The following CNTN5 variants were observed in gnomAD, a reference collection of about 807,000 sequenced individuals.
CNTN5 encodes the protein contactin-5.
In CNTN5, 77 loss-of-function variants were observed where a neutral mutation model predicts 129.1. That is an observed-to-expected ratio of 0.60 (90% confidence interval 0.50 to 0.72). The LOEUF (loss-of-function observed/expected upper bound fraction) is 0.72. CNTN5 is among the 30% of genes least tolerant of loss of function. The pLI is 0.00. For missense variants in CNTN5, 1,478 were observed against 1,328.8 expected (o/e 1.11, Z -1.75); for synonymous variants, 509 against 465.6 (o/e 1.09, Z -1.20).
chr11:100,232,263 G>T (rs1949506350), intron 16 of CNTN5, among the ~76,000 whole-genome samples: 1 of 152,164 alleles, frequency 6.6e-6, no homozygotes, highest in Non-Finnish European at 1.5e-5. Context: ...TTGAAAAGGA[G>T]ATGTGAAGTT....
intron 13 of CNTN5, among the ~76,000 whole-genome samples, chr11:100,127,939 G>A (rs757099800): frequency 1.5e-4 from 23 of 151,976 alleles, no homozygotes; most frequent in Non-Finnish European, 3.2e-4. Context: ...GGGATTACAG[G>A]CATGAGCCAC....
At chr11:99,096,533 A>T (rs1009352138) in intron 1 of CNTN5, among the ~76,000 whole-genome samples, 1 of 151,834 alleles carries the variant, frequency 6.6e-6, no homozygotes, top group Non-Finnish European at 1.5e-5. Context: ...GTGTTTTCAT[A>T]GGTTTTATTT....
intron 7 of CNTN5, among the ~76,000 whole-genome samples, chr11:99,950,073 G>A (rs1378332724): frequency 2.0e-5 from 3 of 152,096 alleles, no homozygotes; most frequent in African/African-American, 7.2e-5. Context: ...GTTCAACCAA[G>A]ATAACTAAAA....
chr11:99,461,032 C>T (rs984674072), intron 2 of CNTN5, among the ~76,000 whole-genome samples: 1 of 152,038 alleles, frequency 6.6e-6, no homozygotes, highest in African/African-American at 2.4e-5. Context: ...ATCCACACAA[C>T]AGAATATTAC....
intron 6 of CNTN5, among the ~76,000 whole-genome samples, chr11:99,863,331 A>G (rs1156251941): frequency 6.6e-6 from 1 of 152,144 alleles, no homozygotes; most frequent in Non-Finnish European, 1.5e-5. Context: ...GTAGGACACA[A>G]TGGAGTAGAG....
intron 8 of CNTN5, among the ~76,000 whole-genome samples, chr11:99,985,523 C>G (rs780736366): frequency 6.6e-6 from 1 of 152,062 alleles, no homozygotes; most frequent in Non-Finnish European, 1.5e-5. Flanking sequence ...AGGCAACATT[C>G]AGTTGGTAAG....
At chr11:99,459,229 A>T (rs1591094330) in intron 2 of CNTN5, among the ~76,000 whole-genome samples, 1 of 152,110 alleles carries the variant, frequency 6.6e-6, no homozygotes, top group Admixed American at 6.6e-5. Context: ...GATGGAAACA[A>T]TTAAGTTTGA....
At chr11:99,531,128 G>C (rs1947688242) in intron 2 of CNTN5, among the ~76,000 whole-genome samples, 1 of 152,130 alleles carries the variant, frequency 6.6e-6, no homozygotes, top group Non-Finnish European at 1.5e-5. Context: ...ATGCTGATAG[G>C]GATATGGACA....
At chr11:100,321,200 T>C (rs1227258791) in intron 21 of CNTN5, among the ~76,000 whole-genome samples, 1 of 152,042 alleles carries the variant, frequency 6.6e-6, no homozygotes, top group Non-Finnish European at 1.5e-5. Context: ...TTTTTTTCCA[T>C]TTATTTATGT....
At chr11:99,446,566 G>T (rs993592658) in intron 2 of CNTN5, among the ~76,000 whole-genome samples, 1 of 152,040 alleles carries the variant, frequency 6.6e-6, no homozygotes, top group East Asian at 1.9e-4. Flanking sequence ...AAATAACCTT[G>T]TTTTTATTAT....
chr11:99,031,017 T>A (rs1300479523), intron 1 of CNTN5, among the ~76,000 whole-genome samples: 1 of 151,770 alleles, frequency 6.6e-6, no homozygotes, highest in Non-Finnish European at 1.5e-5. Flanking sequence ...CAGGATGGTC[T>A]TGATCTCCTG....
intron 1 of CNTN5, among the ~76,000 whole-genome samples, chr11:99,321,753 T>A (rs180700362): frequency 2.0e-5 from 3 of 152,272 alleles, no homozygotes; most frequent in African/African-American, 4.8e-5. Context: ...TGAAGGGTAG[T>A]GGGTGATCTC....
intron 8 of CNTN5, among the ~76,000 whole-genome samples, chr11:99,969,849 G>T (rs1226379859): frequency 6.6e-6 from 1 of 152,028 alleles, no homozygotes; most frequent in Non-Finnish European, 1.5e-5. Context: ...AGAATTTAAG[G>T]AGGCTTATCT....
intron 13 of CNTN5, among the ~76,000 whole-genome samples, chr11:100,118,223 C>T (rs1945902857): frequency 6.6e-6 from 1 of 151,704 alleles, no homozygotes. Context: ...TTTTTAATAA[C>T]ATTTCTGAAT....
intron 1 of CNTN5, among the ~76,000 whole-genome samples, chr11:99,125,311 A>T (rs1191534976): frequency 6.6e-6 from 1 of 151,494 alleles, no homozygotes; most frequent in Non-Finnish European, 1.5e-5. Context: ...ACATTTGCCA[A>T]TCAATAAATG....
At chr11:99,148,009 A>C (rs1171092025) in intron 1 of CNTN5, among the ~76,000 whole-genome samples, 1 of 152,152 alleles carries the variant, frequency 6.6e-6, no homozygotes, top group Non-Finnish European at 1.5e-5. Flanking sequence ...ATGCCAATAA[A>C]AACAATAGTA....
intron 3 of CNTN5, among the ~76,000 whole-genome samples, chr11:99,658,018 A>C (rs578108067): frequency 3.9e-5 from 6 of 152,018 alleles, no homozygotes; most frequent in African/African-American, 7.2e-5. Context: ...TAAAATTTAT[A>C]TTTTATTAAT....
At chr11:99,082,128 G>A (rs188278164) in intron 1 of CNTN5, among the ~76,000 whole-genome samples, 104 of 151,306 alleles carry the variant, frequency 6.9e-4, no homozygotes, top group African/African-American at 2.4e-3. Context: ...ATCACCCCAG[G>A]TCCTGTGTTG....
intron 6 of CNTN5, among the ~76,000 whole-genome samples, chr11:99,890,909 C>T (rs939746653): frequency 6.6e-6 from 1 of 152,056 alleles, no homozygotes; most frequent in African/African-American, 2.4e-5. Flanking sequence ...TCTCTCAAAC[C>T]AATATCCCCA....
Sources: gnomAD v4.1 joint callset for allele counts (sites outside exome capture counted in the v4.1 genomes callset) on GRCh38, gnomAD v4.1.1 for gene constraint, MANE v1.5 for transcripts, NCBI Gene and HGNC (gene_info 2026-07-23, HGNC 2026-07-21) for gene names.